The following LRBA variants were observed in gnomAD, a reference collection of about 807,000 sequenced individuals.
LRBA encodes the protein LPS responsive beige-like anchor protein.
Under a neutral mutation model 330.0 loss-of-function variants are expected in LRBA, and 176 were observed. The observed-to-expected ratio is 0.53, with a 90% CI of 0.47 to 0.60. LRBA has a LOEUF of 0.60. Ranked by LOEUF, LRBA falls within the 20% of genes least tolerant of loss-of-function variation. LRBA has a pLI of 0.00. For missense variants in LRBA, 3,259 were observed against 3,444.8 expected (o/e 0.95, Z 1.35); for synonymous variants, 1,230 against 1,193.0 (o/e 1.03, Z -0.64).
At chr4:150,482,599 T>C (rs1466523575) in intron 42 of LRBA, among the ~76,000 whole-genome samples, 6 of 152,098 alleles carry the variant, frequency 3.9e-5, no homozygotes, top group Admixed American at 3.3e-4. Context: ...GTTAATTCTA[T>C]ATGAAAGTGC....
chr4:150,496,415 T>C (rs1561262182), intron 40 of LRBA, among the ~76,000 whole-genome samples: 1 of 152,068 alleles, frequency 6.6e-6, no homozygotes, highest in Non-Finnish European at 1.5e-5. Context: ...TATTGAATAC[T>C]AGGGATTTTT....
chr4:150,632,486 T>TAA (rs1256919884), intron 37 of LRBA, among the ~76,000 whole-genome samples: 1 of 152,050 alleles, frequency 6.6e-6, no homozygotes. Flanking sequence ...TAATAATTAA[T>TAA]AAGAGACAGA....
intron 35 of LRBA, among the ~76,000 whole-genome samples, chr4:150,746,098 A>G (rs2126336485): frequency 6.6e-6 from 1 of 152,350 alleles, no homozygotes; most frequent in East Asian, 1.9e-4. Flanking sequence ...CTAAACTTAT[A>G]GAAACATATA....
intron 28 of LRBA, chr4:150,841,060 G>A: frequency 5.8e-6 from 6 of 1,031,856 alleles, no homozygotes; most frequent in Non-Finnish European, 7.6e-6. Context: ...TAGTCTGTTG[G>A]AAAAAACAAA....
intron 2 of LRBA, among the ~76,000 whole-genome samples, chr4:150,937,289 G>A (rs1360256834): frequency 1.3e-5 from 2 of 152,014 alleles, no homozygotes; most frequent in Non-Finnish European, 2.9e-5. Flanking sequence ...CTTTCTAATA[G>A]TTATTTGAAG....
Position 150,795,443 on chromosome 4 carries a change from A to C in LRBA, c.5580+2638T>G, listed in dbSNP as rs148113712. On this transcript the variant is annotated intron_variant, in intron 34 of 56. Transcript: ENST00000651943. ...TTTCCTGAAGAATGTAAGCAGTCTT[A>C]TTTTAAGAAATAAAGAGGATTTAAA... 1.1e-3 allele frequency among the ~76,000 whole-genome samples: 163 copies of C among 152,150 alleles called. 2 individuals carry two copies. The highest frequency in any genetic ancestry group is 3.7e-3 in the African/African-American group (154 of 41,572).
chr4:151,003,468 T>C (rs1215759121), intron 2 of LRBA, among the ~76,000 whole-genome samples: 1 of 150,980 alleles, frequency 6.6e-6, no homozygotes, highest in Non-Finnish European at 1.5e-5. Flanking sequence ...AAAGGAATCC[T>C]GAGCCTAAAG....
chr4:150,493,901 T>C (rs1236219360), intron 40 of LRBA, among the ~76,000 whole-genome samples: 1 of 152,056 alleles, frequency 6.6e-6, no homozygotes, highest in African/African-American at 2.4e-5. Context: ...CCAGGCAACA[T>C]AGCAAGACCT....
chr4:150,346,804 T>C (rs192677955), intron 48 of LRBA, among the ~76,000 whole-genome samples: 174 of 146,988 alleles, frequency 1.2e-3, no homozygotes, highest in African/African-American at 4.2e-3. Flanking sequence ...TTTGTTATGA[T>C]GCTTCTTCAA....
chr4:150,630,748 T>C (rs1268113266), intron 37 of LRBA, among the ~76,000 whole-genome samples: 1 of 152,158 alleles, frequency 6.6e-6, no homozygotes, highest in Non-Finnish European at 1.5e-5. Context: ...CAACAAGCTC[T>C]GAAACAGCTA....
At chr4:150,489,603 A>G (rs1470658991) in intron 41 of LRBA, among the ~76,000 whole-genome samples, 1 of 67,576 alleles carries the variant, frequency 1.5e-5, no homozygotes, top group African/African-American at 5.0e-5. Context: ...ATAAGAATAT[A>G]TAATATATAA....
chr4:150,467,765 T>A lies in LRBA; in HGVS notation c.6688A>T (p.Asn2230Tyr). 1 of 1,585,160 alleles carries A rather than the reference T, an allele frequency of 6.3e-7. No homozygotes were observed. Among genetic ancestry groups the A allele is most frequent in the Non-Finnish European group, 8.6e-7 (1 of 1,157,236 alleles). The change falls in exon 44 of 57, where the codon AAT (asparagine) becomes TAT (tyrosine). Residue 2230 changes from asparagine (N) to tyrosine (Y), a missense_variant. Asn to Tyr is a moderately radical substitution (Grantham distance 143, BLOSUM62 -2). Coordinates refer to ENST00000651943, the MANE Select transcript of LRBA (RefSeq NM_001364905.1). Reference protein sequence around the residue: ...TIAGRSYNDLNQYPVFPWVIT... With the variant: ...TIAGRSYNDLYQYPVFPWVIT... ...ACCCAAGGAAACACTGGATACTGAT[T>A]TAAGTCATTATAACTCCGTCCTGAT...
At chr4:150,292,809 A>G (rs1371986922) in intron 53 of LRBA, among the ~76,000 whole-genome samples, 2 of 152,156 alleles carry the variant, frequency 1.3e-5, no homozygotes, top group Admixed American at 6.5e-5. Flanking sequence ...ATAAATATCT[A>G]TGCTTGTAAA....
rs11726542 is a variant in LRBA, at chr4:150,982,578, T to A, written c.216+31849A>T. 5.3e-3 allele frequency among the ~76,000 whole-genome samples: 801 copies of A among 150,206 alleles called. 3 individuals carry two copies. Among genetic ancestry groups the A allele is most frequent in the Non-Finnish European group, 7.1e-3 (478 of 67,776 alleles). On this transcript the variant is annotated intron_variant, in intron 2 of 56. Coordinates refer to ENST00000651943, the MANE Select transcript of LRBA (RefSeq NM_001364905.1). ...AATGCTAGGATTATCAGAGATTTTT[T>A]AATTTTGTTTCATTTGTATTTGCCA...
In LRBA at chr4:150,265,668, G is replaced by A. The variant is rs940573006; in HGVS notation, c.*54C>T. 8.1e-6 allele frequency: 9 copies of A among 1,108,880 alleles called. No individual in the cohort carries two copies. The highest frequency in any genetic ancestry group is 1.7e-5 in the Admixed American group (1 of 59,150). 68.7% of individuals were successfully genotyped at this position (1,108,880 alleles called of 1,614,324 possible). A position where few individuals can be genotyped will look rare whatever the true frequency, so the allele number is the denominator to read the frequency against. ...TTCAGATGTGGTAGAAGAGAATGAT[G>A]CTCCAGGTACTTCTGCTCATCCTAG... On this transcript the variant is annotated 3_prime_UTR_variant, in exon 57 of 57. Transcript: ENST00000651943.
At chr4:150,560,130 CA>C (rs978543409) in intron 40 of LRBA, among the ~76,000 whole-genome samples, 1 of 149,186 alleles carries the variant, frequency 6.7e-6, no homozygotes, top group African/African-American at 2.5e-5. Flanking sequence ...CTGAAGTATT[CA>C]GGGGGAAAGG....
At chr4:150,315,224 G>T in intron 51 of LRBA, 1 of 344,636 alleles carries the variant, frequency 2.9e-6, no homozygotes, top group Non-Finnish European at 5.3e-6. Context: ...TCATCATAAC[G>T]TGCCTTGCTC....
At chr4:150,450,764 G>T (rs544216587) in intron 44 of LRBA, among the ~76,000 whole-genome samples, 82 of 152,136 alleles carry the variant, frequency 5.4e-4, no homozygotes, top group Non-Finnish European at 9.7e-4. Flanking sequence ...GTGAGGTGGG[G>T]TGGCTTACAC....
intron 46 of LRBA, among the ~76,000 whole-genome samples, chr4:150,419,633 C>CT (rs780382905): frequency 0.26 from 25,030 of 97,102 alleles, 3,953 homozygotes; most frequent in Admixed American, 0.35. Context: ...CTGATAATAT[C>CT]TTTTTTTTTT....
Sources: allele counts gnomAD v4.1 joint callset (sites outside exome capture counted in the v4.1 genomes callset), GRCh38; gene constraint gnomAD v4.1.1; transcripts MANE v1.5; gene names NCBI Gene and HGNC (gene_info 2026-07-23, HGNC 2026-07-21).